EPGN: variants seen among roughly 807,000 people sequenced by gnomAD.
EPGN encodes epithelial mitogen, also known as epigen.
In EPGN, 21 loss-of-function variants were observed where a neutral mutation model predicts 20.7. That is an observed-to-expected ratio of 1.01 (90% confidence interval 0.72 to 1.46). The LOEUF (loss-of-function observed/expected upper bound fraction) is 1.46, where lower values mean the gene tolerates loss of function less well. EPGN is among the 40% of genes most tolerant of loss of function. The pLI is 0.00. For missense variants in EPGN, 199 were observed against 180.7 expected, an observed-to-expected ratio of 1.10 and a Z score of -0.58; for synonymous variants, 69 against 63.8, an observed-to-expected ratio of 1.08 and a Z score of -0.39.
chr4:74,311,612 A>G (rs1463527002), intron 2 of EPGN, among the ~76,000 whole-genome samples: 1 of 152,192 alleles, frequency 6.6e-6, no homozygotes, highest in Non-Finnish European at 1.5e-5. Context: ...TCAATAAAGT[A>G]TGCCCCAAAG....
chr4:74,313,637 TGG>T, intron 4 of EPGN: 1 of 993,334 alleles, frequency 1.0e-6, no homozygotes, highest in Non-Finnish European at 1.2e-6. Context: ...AGACGTCAAC[TGG>T]GGGTATCTTC....
rs1232754952 is a variant in EPGN at position 74,316,189 on chromosome 4, A to G, written c.*1552A>G. On this transcript the variant is annotated 3_prime_UTR_variant, in exon 5 of 5. Coordinates refer to ENST00000413830, the MANE Select transcript of EPGN (RefSeq NM_001270989.2). ...CCTCAACCCCACCTCTAACCCTGAA[A>G]CACACTACTCGATATTATCTTAGGT... is the stretch of plus-strand genomic sequence containing the variant. Among the ~76,000 whole-genome samples the G allele has an allele frequency of 6.6e-6, 1 of 152,130 alleles. No homozygotes were observed. Among genetic ancestry groups the G allele is most frequent in the Non-Finnish European group, 1.5e-5 (1 of 68,022 alleles).
chr4:74,309,200 T>C lies in EPGN; in HGVS notation c.133+18T>C, dbSNP rs771524303. ...AACAGAAGGTATTTTCTTCCCATTTTCATATTTCACAAGACTTTTCTAAAA... is the reference window on the plus strand; with the variant it reads ...AACAGAAGGTATTTTCTTCCCATTTCCATATTTCACAAGACTTTTCTAAAA... On this transcript the variant is annotated intron_variant, in intron 2 of 4. Coordinates refer to ENST00000413830, the MANE Select transcript of EPGN (RefSeq NM_001270989.2). 1.9e-6 allele frequency: 3 copies of C among 1,605,764 alleles called. No individual in the cohort carries two copies. In the African/African-American group the frequency reaches 4.0e-5, roughly 21 times the overall value.
Position 74,312,280 on chromosome 4 carries a change from C to T in EPGN, c.229C>T (p.His77Tyr). The change falls in exon 3 of 5, where the codon CAT becomes TAT. Residue 77 changes from histidine (H) to tyrosine (Y), a missense_variant. His to Tyr is a moderately conservative substitution (Grantham distance 83). Transcript: ENST00000413830. ...CATCAACGGTGCTTGTGCATTCCAC[C>T]ATGAGCTAGAGAAAGCCATCTGCAG... ...YCINGACAFH[H>Y]ELEKAICRCF... 6.2e-7 allele frequency: 1 copy of T among 1,611,930 alleles called. No homozygotes were observed. The highest frequency in any genetic ancestry group is 1.1e-5 in the South Asian group (1 of 90,524).
rs1000036672 is a variant in EPGN at position 74,315,211 on chromosome 4, C to A, written c.*574C>A. The A allele has an allele frequency of 6.5e-6, 1 of 152,860 alleles. No individual in the cohort carries two copies. The highest frequency in any genetic ancestry group is 1.9e-4 in the East Asian group (1 of 5,202). 9.5% of individuals were successfully genotyped at this position (152,860 alleles called of 1,614,324 possible). On this transcript the variant is annotated 3_prime_UTR_variant, in exon 5 of 5. Coordinates refer to ENST00000413830, the MANE Select transcript of EPGN (RefSeq NM_001270989.2). ...TGTCTTAAATCTAAGCCACTGAAAACAGAAGGGAATGTCCAAGGCAAATAC... is the reference window on the plus strand; with the variant it reads ...TGTCTTAAATCTAAGCCACTGAAAAAAGAAGGGAATGTCCAAGGCAAATAC...
At position 74,315,705 on chromosome 4, in the gene EPGN, A is replaced by T. The variant is rs950930072; in HGVS notation, c.*1068A>T. Among the ~76,000 whole-genome samples, 3 of 152,066 alleles carry T rather than the reference A, an allele frequency of 2.0e-5. No homozygotes were observed. Among genetic ancestry groups the T allele is most frequent in the African/African-American group, 7.2e-5 (3 of 41,408 alleles). On this transcript the variant is annotated 3_prime_UTR_variant, in exon 5 of 5. Coordinates refer to ENST00000413830, the MANE Select transcript of EPGN (RefSeq NM_001270989.2). ...GGTGGTTCACGCCTGTAATCCTAGC[A>T]CTTTGGGAGGCCGAGGCGGATGGAG...
At position 74,313,169 on chromosome 4, in the gene EPGN, A is replaced by G; in HGVS notation, c.406A>G (p.Arg136Gly). The change falls in exon 4 of 5, where the codon AGG (arginine) becomes GGG (glycine). Residue 136 changes from arginine to glycine, a missense_variant and splice_region_variant. By Grantham distance (125) the Arg-to-Gly change is moderately radical (BLOSUM62 -2). Coordinates refer to ENST00000413830, the MANE Select transcript of EPGN (RefSeq NM_001270989.2). ...LVIFYCYIRK[R>G]CLKLKSPYNV... The stretch of plus-strand genomic sequence containing the variant: ...TATTTTTTACTGCTATATAAGAAAG[A>G]GGTATGAAAAAGACAAAATATGAAG... 6.2e-7 allele frequency: 1 copy of G among 1,608,324 alleles called. No homozygotes were observed. The highest frequency in any genetic ancestry group is 8.5e-7 in the Non-Finnish European group (1 of 1,178,734).
chr4:74,315,452 A>G lies in EPGN; in HGVS notation c.*815A>G, dbSNP rs751398711. The G allele has an allele frequency of 9.2e-5, 14 of 152,186 alleles. No individual in the cohort carries two copies. The highest frequency in any genetic ancestry group is 2.4e-4 in the African/African-American group (10 of 41,444). The allele number at this position is 152,186 out of a possible 1,614,324, so 9.4% of individuals were successfully genotyped here. A position where few individuals can be genotyped will look rare whatever the true frequency, so the allele number is the denominator to read the frequency against. On this transcript the variant is annotated 3_prime_UTR_variant, in exon 5 of 5. Transcript: ENST00000413830. ...CAGTTATCAGTGGAATTACCTGGTG[A>G]CCATTCATTTGGACCGAAATCCTGG...
rs571520103 is a variant in EPGN, at chr4:74,316,650, C to G, written c.*2013C>G. Among the ~76,000 whole-genome samples the G allele has an allele frequency of 5.3e-5, 8 of 152,202 alleles. No homozygotes were observed. Among genetic ancestry groups the G allele is most frequent in the South Asian group, 2.1e-4 (1 of 4,816 alleles). ...GAGTTGAAGTTTCCTCCCAGTGACT[C>G]CAGTGACAGACCACACCTAGAAAGC... On this transcript the variant is annotated 3_prime_UTR_variant, in exon 5 of 5. Coordinates refer to ENST00000413830, the MANE Select transcript of EPGN (RefSeq NM_001270989.2).
At chr4:74,313,492 A>C in intron 4 of EPGN, 1 of 1,189,160 alleles carries the variant, frequency 8.4e-7, no homozygotes, top group African/African-American at 1.6e-5. Context: ...GTCTTGTTCA[A>C]AATTGTATAT....
intron 3 of EPGN, 107 bp downstream of exon 3, chr4:74,312,412 G>A (rs1751021777): frequency 7.6e-7 from 1 of 1,315,918 alleles, no homozygotes; most frequent in South Asian, 1.7e-5. Flanking sequence ...TTAAAAGGGT[G>A]CATAATCTGA....
intron 4 of EPGN, chr4:74,314,174 A>G (rs1180616222): frequency 8.7e-6 from 4 of 461,896 alleles, no homozygotes; most frequent in Non-Finnish European, 1.7e-5. Flanking sequence ...GCACAAGAAG[A>G]AGCTAAGCAA....
At chr4:74,313,284 A>G in intron 4 of EPGN, 114 bp downstream of exon 4, 1 of 1,424,750 alleles carries the variant, frequency 7.0e-7, no homozygotes. Context: ...ATTAAAAAAG[A>G]GCTGTAATCT....
At chr4:74,310,429 T>G (rs953730754) in intron 2 of EPGN, among the ~76,000 whole-genome samples, 6 of 84,784 alleles carry the variant, frequency 7.1e-5, no homozygotes, top group African/African-American at 3.0e-4. Context: ...GCCATTGCAC[T>G]CCAGCCGGGG....
rs889133847 is a variant in EPGN at position 74,315,933 on chromosome 4, CAA to C, written c.*1297_*1298del. Among the ~76,000 whole-genome samples, 1 of 143,926 alleles carries C rather than the reference CAA, an allele frequency of 6.9e-6. No individual in the cohort carries two copies. The highest frequency in any genetic ancestry group is 1.5e-5 in the Non-Finnish European group (1 of 66,714). The allele number at this position is 143,926 out of a possible 152,430, so 94.4% of individuals were successfully genotyped here. A position where few individuals can be genotyped will look rare whatever the true frequency, so the allele number is the denominator to read the frequency against. On this transcript the variant is annotated 3_prime_UTR_variant, in exon 5 of 5. Transcript: ENST00000413830. ...CAACCCTGCACTCCAACCTGGGTGA[CAA>C]GAGCGAAACTCCATCTCAAAAAAAA...
Position 74,313,057 on chromosome 4 carries a change from G to A in EPGN, c.294G>A (p.Leu98=). 6.2e-7 allele frequency: 1 copy of A among 1,612,650 alleles called. No individual in the cohort carries two copies. The highest frequency in any genetic ancestry group is 8.5e-7 in the Non-Finnish European group (1 of 1,179,622). ...ATACTGGAGAAAGGTGTGAGCACTT[G>A]ACTTTAACTTCATATGCTGTGGATT... ...TGYTGERCEH[L]TLTSYAVDSY... is the part of the protein sequence containing the mutation. The change falls in exon 4 of 5, where the codon TTG becomes TTA. Residue 98 remains leucine (L), a synonymous_variant. Coordinates refer to ENST00000413830, the MANE Select transcript of EPGN (RefSeq NM_001270989.2).
chr4:74,310,911 CT>C (rs538284574), intron 2 of EPGN, among the ~76,000 whole-genome samples: 2,719 of 151,946 alleles, frequency 0.018, 45 homozygotes, highest in Non-Finnish European at 0.026. Flanking sequence ...TGTACAGATG[CT>C]TTTTTTTCAA....
chr4:74,316,509 G>A lies in EPGN; in HGVS notation c.*1872G>A, dbSNP rs1445532521. On this transcript the variant is annotated 3_prime_UTR_variant, in exon 5 of 5. Transcript: ENST00000413830. ...AATTCTGCTTTCCTTTGAGTAGAAGGTATTTAACTTGTTTTGTTTTTCCTT... is the reference window on the plus strand; with the variant it reads ...AATTCTGCTTTCCTTTGAGTAGAAGATATTTAACTTGTTTTGTTTTTCCTT... Among the ~76,000 whole-genome samples, 1 of 152,152 alleles carries A rather than the reference G, an allele frequency of 6.6e-6. No homozygotes were observed. The highest frequency in any genetic ancestry group is 1.9e-4 in the East Asian group (1 of 5,198).
At chr4:74,308,603 A>G (rs1289203177) in intron 1 of EPGN, 27 bp downstream of exon 1, 1 of 1,585,688 alleles carries the variant, frequency 6.3e-7, no homozygotes, top group Admixed American at 1.7e-5. Flanking sequence ...TGTTTTGTTA[A>G]CTTTATATCA....
Sources: gnomAD v4.1 joint callset for allele counts (sites outside exome capture counted in the v4.1 genomes callset) on GRCh38, gnomAD v4.1.1 for gene constraint, MANE v1.5 for transcripts, NCBI Gene and HGNC (gene_info 2026-07-23, HGNC 2026-07-21) for gene names.